INTS6L: variants seen among roughly 807,000 people sequenced by gnomAD.
INTS6L encodes the protein integrator complex subunit 6-like.
Under a neutral mutation model 64.7 loss-of-function variants are expected in INTS6L, and 18 were observed. The ratio of observed to expected loss-of-function variants is 0.28; its 90% CI spans 0.19 to 0.41. The LOEUF is 0.41. Among genes scored for constraint, INTS6L ranks in the 10% least tolerant of loss-of-function variants. The probability of loss-of-function intolerance (pLI) is 1.00; values close to 1 mark genes in which losing one functional copy is unlikely to be tolerated. For synonymous variants in INTS6L, 227 were observed against 235.9 expected (o/e 0.96, Z 0.34); for missense variants, 533 against 661.0 (o/e 0.81, Z 2.12).
intron 2 of INTS6L, among the ~76,000 whole-genome samples, chrX:135,544,278 C>A (rs2086298505): frequency 8.9e-6 from 1 of 112,137 alleles, no homozygotes; most frequent in Non-Finnish European, 1.9e-5. Flanking sequence ...GGGTTCATAG[C>A]CAATAACCTG....
chrX:135,581,383 C>T, intron 17 of INTS6L, 145 bp from the exon 18 acceptor site: 2 of 506,495 alleles, frequency 3.9e-6, no homozygotes, highest in South Asian at 7.4e-5. Flanking sequence ...ACTATTGGTA[C>T]TTGCTCTAAG....
At chrX:135,545,259 G>A (rs1255462067) in intron 2 of INTS6L, among the ~76,000 whole-genome samples, 164 bp from the exon 3 acceptor site, 1 of 112,178 alleles carries the variant, frequency 8.9e-6, no homozygotes, top group Admixed American at 9.5e-5. Context: ...AGGTCTTTCC[G>A]AAACTGCTTG....
At chrX:135,528,873 C>CCG (rs2085821978) in intron 2 of INTS6L, among the ~76,000 whole-genome samples, 1 of 78,116 alleles carries the variant, frequency 1.3e-5, no homozygotes, top group South Asian at 1.1e-3. Context: ...AACACCCCCC[C>CCG]CCCCGACCCA....
At chrX:135,547,514 G>A (rs782510426) in intron 6 of INTS6L, among the ~76,000 whole-genome samples, 5 of 111,511 alleles carry the variant, frequency 4.5e-5, no homozygotes, top group Non-Finnish European at 9.4e-5. Flanking sequence ...ATATTCCCTG[G>A]TCCCAGTCTT....
chrX:135,552,521 G>A (rs2086532157), intron 8 of INTS6L, among the ~76,000 whole-genome samples: 1 of 111,879 alleles, frequency 8.9e-6, no homozygotes, highest in Non-Finnish European at 1.9e-5. Flanking sequence ...TTGACAGATT[G>A]GAAGTACAGG....
chrX:135,531,509 T>C (rs962314214), intron 2 of INTS6L, among the ~76,000 whole-genome samples: 1 of 112,074 alleles, frequency 8.9e-6, no homozygotes, highest in Non-Finnish European at 1.9e-5. Flanking sequence ...TTCTCTGGCT[T>C]ATCTGCCATC....
At chrX:135,541,286 C>T (rs2086211532) in intron 2 of INTS6L, among the ~76,000 whole-genome samples, 1 of 111,745 alleles carries the variant, frequency 8.9e-6, no homozygotes, top group South Asian at 3.7e-4. Flanking sequence ...GTCAGTCATA[C>T]ACATAATTTA....
At chrX:135,558,814 G>T (rs1272304655) in intron 9 of INTS6L, among the ~76,000 whole-genome samples, 5 of 97,742 alleles carry the variant, frequency 5.1e-5, no homozygotes, top group African/African-American at 1.5e-4. Context: ...GAGACAGAGT[G>T]TCTCTCTGTC....
chrX:135,528,949 C>T (rs958938858), intron 2 of INTS6L, among the ~76,000 whole-genome samples: 26 of 92,711 alleles, frequency 2.8e-4, no homozygotes, highest in African/African-American at 1.1e-3. Context: ...GGCTTGATAA[C>T]CCTTGCCTGT....
chrX:135,528,566 A>T (rs2085804307), intron 2 of INTS6L, among the ~76,000 whole-genome samples: 1 of 111,490 alleles, frequency 9.0e-6, no homozygotes, highest in Non-Finnish European at 1.9e-5. Flanking sequence ...CATAGCGTCC[A>T]CTTAGCCACG....
intron 9 of INTS6L, among the ~76,000 whole-genome samples, chrX:135,567,876 A>G (rs2086993555): frequency 8.9e-6 from 1 of 112,427 alleles, no homozygotes; most frequent in Admixed American, 9.4e-5. Flanking sequence ...TGAATAATTT[A>G]TTATAGCTGT....
chrX:135,528,322 A>C (rs782141370), intron 2 of INTS6L, among the ~76,000 whole-genome samples: 2 of 111,939 alleles, frequency 1.8e-5, no homozygotes, highest in South Asian at 3.8e-4. Context: ...TATTGTGTTT[A>C]TAATTGTTTC....
intron 9 of INTS6L, among the ~76,000 whole-genome samples, chrX:135,565,568 G>T (rs2086924756): frequency 9.0e-6 from 1 of 111,539 alleles, no homozygotes; most frequent in South Asian, 3.8e-4. Flanking sequence ...AGTAAGACAT[G>T]TGTGGCATCT....
chrX:135,570,804 C>T, intron 11 of INTS6L: 1 of 291,830 alleles, frequency 3.4e-6, no homozygotes, highest in African/African-American at 2.6e-5. Flanking sequence ...TGATATGGGG[C>T]AGAGGTTTAA....
At chrX:135,543,377 A>G (rs189683117) in intron 2 of INTS6L, among the ~76,000 whole-genome samples, 149 of 110,463 alleles carry the variant, frequency 1.3e-3, no homozygotes, top group African/African-American at 4.5e-3. Flanking sequence ...AGTAAGTCCT[A>G]TCCTTTTATC....
rs1448764303 is a variant in INTS6L, at chrX:135,579,645, A to T, written c.2120-143A>T. The T allele has an allele frequency of 7.1e-6, 6 of 844,054 alleles. No homozygotes were observed. The African/African-American group carries it at 1.2e-4, about 17-fold the overall frequency. The allele number at this position is 844,054 out of a possible 1,213,427, so 69.6% of individuals were successfully genotyped here. A position where few individuals can be genotyped will look rare whatever the true frequency, so the allele number is the denominator to read the frequency against. The stretch of plus-strand genomic sequence containing the variant: ...TATTGTATTATGTGTCCTGGCCTCA[A>T]TTTGAGGGGTCTCAGATCGCCACCT... On this transcript the variant is annotated intron_variant, in intron 15 of 17. Transcript: ENST00000639893.
At chrX:135,567,028 G>A (rs1422976299) in intron 9 of INTS6L, among the ~76,000 whole-genome samples, 2 of 111,677 alleles carry the variant, frequency 1.8e-5, no homozygotes, top group African/African-American at 6.5e-5. Flanking sequence ...TTTTCATTTT[G>A]TACGGGGCTT....
Position 135,546,830 on chromosome X carries a change from A to G in INTS6L, c.558A>G (p.Leu186=), listed in dbSNP as rs781843970. 3.0e-5 allele frequency: 36 copies of G among 1,209,792 alleles called. No homozygotes were observed. Among genetic ancestry groups the G allele is most frequent in the Non-Finnish European group, 3.9e-5 (35 of 895,029 alleles). The part of the protein sequence containing the change: ...PGVASTEPEQ[L]GSVPTDESAI... ...TGGCTTCTACCGAACCAGAGCAACT[A>G]GGGAGCGTACCAACTGATGAATCTG... is the stretch of plus-strand genomic sequence containing the variant. The change falls in exon 5 of 18, where the codon CTA becomes CTG. Residue 186 remains leucine, a synonymous_variant. Transcript: ENST00000639893.
chrX:135,581,221 A>G (rs1243909805), intron 17 of INTS6L, 78 bp downstream of exon 17: 17 of 764,691 alleles, frequency 2.2e-5, no homozygotes, highest in Non-Finnish European at 3.1e-5. Context: ...AAAAGAGAGG[A>G]ATAGGCTCTG....
Sources: allele counts gnomAD v4.1 joint callset (sites outside exome capture counted in the v4.1 genomes callset), GRCh38; gene constraint gnomAD v4.1.1; transcripts MANE v1.5; gene names NCBI Gene and HGNC (gene_info 2026-07-23, HGNC 2026-07-21).